ADAM12: variants seen among roughly 807,000 people sequenced by gnomAD.
ADAM12 encodes ADAM metallopeptidase domain 12.
In ADAM12, 70 loss-of-function variants were observed where a neutral mutation model predicts 106.4. The ratio of observed to expected loss-of-function variants is 0.66; its 90% CI spans 0.54 to 0.80. The LOEUF (loss-of-function observed/expected upper bound fraction) is 0.80, where lower values mean the gene tolerates loss of function less well. Ranked by LOEUF, ADAM12 falls within the 30% of genes least tolerant of loss-of-function variation. The pLI is 0.00. For missense variants in ADAM12, 1,010 were observed against 1,171.9 expected (o/e 0.86, Z 2.02); for synonymous variants, 420 against 433.5 (o/e 0.97, Z 0.39).
intron 3 of ADAM12, among the ~76,000 whole-genome samples, chr10:126,211,619 C>G (rs985403041): frequency 1.1e-4 from 17 of 152,044 alleles, no homozygotes; most frequent in African/African-American, 4.1e-4. Context: ...GTCATCTCTA[C>G]CTCTTGAACC....
chr10:126,325,940 G>A (rs1169132065), intron 2 of ADAM12, among the ~76,000 whole-genome samples: 1 of 152,174 alleles, frequency 6.6e-6, no homozygotes. Context: ...GAACAAAAAA[G>A]TGCAAGCTCT....
chr10:126,226,674 G>T (rs879716170), intron 3 of ADAM12, among the ~76,000 whole-genome samples: 1 of 152,200 alleles, frequency 6.6e-6, no homozygotes, highest in Non-Finnish European at 1.5e-5. Flanking sequence ...AATGCATGTA[G>T]AGAGCTTGGC....
chr10:126,201,312 T>G (rs1957695937), intron 3 of ADAM12, among the ~76,000 whole-genome samples: 1 of 152,038 alleles, frequency 6.6e-6, no homozygotes, highest in Admixed American at 6.5e-5. Flanking sequence ...GAGGGAAATT[T>G]GAACACAGGC....
rs76260707 is a variant in ADAM12, at chr10:126,263,941, C to A, written c.260+14974G>T. 4.3e-4 allele frequency among the ~76,000 whole-genome samples: 65 copies of A among 152,114 alleles called. No homozygotes were observed. In the East Asian group the frequency reaches 7.5e-3, roughly 18 times the overall value. On this transcript the variant is annotated intron_variant, in intron 3 of 22. Coordinates refer to ENST00000448723, the MANE Select transcript of ADAM12 (RefSeq NM_001288973.2). The stretch of plus-strand genomic sequence containing the variant: ...GATGTTATCCAGTCATAATCATTAC[C>A]CTATTTGGTAAGATAATGAATTTGC...
At chr10:126,214,005 A>G (rs2133841146) in intron 3 of ADAM12, among the ~76,000 whole-genome samples, 1 of 152,366 alleles carries the variant, frequency 6.6e-6, no homozygotes, top group South Asian at 2.1e-4. Flanking sequence ...ACAAAAGTAC[A>G]ATTTTATAAC....
At chr10:126,360,608 T>C (rs1363717334) in intron 1 of ADAM12, among the ~76,000 whole-genome samples, 1 of 152,206 alleles carries the variant, frequency 6.6e-6, no homozygotes, top group Admixed American at 6.5e-5. Flanking sequence ...TGAAACCACC[T>C]CAGTCTGGAT....
At chr10:126,213,996 C>A (rs551701140) in intron 3 of ADAM12, among the ~76,000 whole-genome samples, 14 of 152,114 alleles carry the variant, frequency 9.2e-5, no homozygotes, top group African/African-American at 3.4e-4. Flanking sequence ...ATACTGATTA[C>A]AAAAGTACAA....
intron 4 of ADAM12, 149 bp downstream of exon 4, chr10:126,155,078 G>T: frequency 1.3e-6 from 1 of 768,012 alleles, no homozygotes; most frequent in Non-Finnish European, 2.1e-6. Context: ...ATAATAGAAC[G>T]CCTACCACTA....
At chr10:126,200,334 C>T (rs944790862) in intron 3 of ADAM12, among the ~76,000 whole-genome samples, 6 of 152,266 alleles carry the variant, frequency 3.9e-5, no homozygotes, top group Admixed American at 2.6e-4. Flanking sequence ...TCCCCAAACA[C>T]GATCAGATGC....
intron 21 of ADAM12, among the ~76,000 whole-genome samples, chr10:126,027,461 A>G (rs1186640740): frequency 2.0e-5 from 3 of 152,206 alleles, no homozygotes; most frequent in Non-Finnish European, 4.4e-5. Context: ...TTGATGCAAA[A>G]ATCCTCAACA....
intron 2 of ADAM12, among the ~76,000 whole-genome samples, chr10:126,283,765 G>C (rs1227193839): frequency 6.6e-6 from 1 of 152,040 alleles, no homozygotes; most frequent in Non-Finnish European, 1.5e-5. Flanking sequence ...TTGGGCTTTG[G>C]CTTTTCATCC....
intron 20 of ADAM12, among the ~76,000 whole-genome samples, chr10:126,037,297 T>TTTC (rs1954077807): frequency 6.6e-6 from 1 of 151,952 alleles, no homozygotes; most frequent in Admixed American, 6.6e-5. Flanking sequence ...TTTTTTTTTT[T>TTTC]TTTAATAGAG....
At chr10:126,204,695 T>C (rs1565136840) in intron 3 of ADAM12, among the ~76,000 whole-genome samples, 1 of 152,204 alleles carries the variant, frequency 6.6e-6, no homozygotes, top group African/African-American at 2.4e-5. Flanking sequence ...AAACCAACCA[T>C]GGGCCCTTCT....
At chr10:126,314,377 G>A (rs1961254104) in intron 2 of ADAM12, among the ~76,000 whole-genome samples, 1 of 152,184 alleles carries the variant, frequency 6.6e-6, no homozygotes, top group Non-Finnish European at 1.5e-5. Context: ...TCCAAAGGGA[G>A]TTTCAATGCA....
chr10:126,242,250 T>C (rs529583131), intron 3 of ADAM12, among the ~76,000 whole-genome samples: 1 of 152,362 alleles, frequency 6.6e-6, no homozygotes, highest in South Asian at 2.1e-4. Flanking sequence ...CCCCAGACTC[T>C]GTCAAGTTGT....
intron 3 of ADAM12, among the ~76,000 whole-genome samples, chr10:126,209,839 G>A (rs1042261572): frequency 6.6e-6 from 1 of 152,124 alleles, no homozygotes; most frequent in African/African-American, 2.4e-5. Flanking sequence ...TTCGACAGCA[G>A]AACACGACTC....
intron 2 of ADAM12, among the ~76,000 whole-genome samples, chr10:126,300,427 C>A (rs113877364): frequency 1.4e-4 from 22 of 152,292 alleles, no homozygotes; most frequent in African/African-American, 5.3e-4. Flanking sequence ...AAATTCAGTA[C>A]CTCCAAGCTA....
chr10:126,039,316 T>C lies in ADAM12; in HGVS notation c.2218A>G (p.Lys740Glu). The C allele has an allele frequency of 6.2e-7, 1 of 1,614,046 alleles. No individual in the cohort carries two copies. The highest frequency in any genetic ancestry group is 8.5e-7 in the Non-Finnish European group (1 of 1,179,962). The change falls in exon 19 of 23, where the codon AAG (lysine) becomes GAG (glutamate). Residue 740 changes from lysine (K) to glutamate (E), a missense_variant. Physicochemically the swap from Lys to Glu is moderately conservative, Grantham distance 56. Transcript: ENST00000448723. ...TLIRLLFTNK[K>E]TTIEKLRCVR... ...TACCTTAGTTTTTCAATGGTGGTCT[T>C]CTTATTTGTAAACAGCAGTCGTATC...
chr10:126,297,536 C>A (rs1431453978), intron 2 of ADAM12, among the ~76,000 whole-genome samples: 1 of 152,120 alleles, frequency 6.6e-6, no homozygotes, highest in African/African-American at 2.4e-5. Context: ...GGTGAGGGAG[C>A]AAGGCCCTGT....
Sources: allele counts gnomAD v4.1 joint callset (sites outside exome capture counted in the v4.1 genomes callset), GRCh38; gene constraint gnomAD v4.1.1; transcripts MANE v1.5; gene names NCBI Gene and HGNC (gene_info 2026-07-23, HGNC 2026-07-21).